VWDE: variants seen among roughly 807,000 people sequenced by gnomAD.
VWDE encodes the protein von Willebrand factor D and EGF domain-containing protein.
Under a neutral mutation model 178.4 loss-of-function variants are expected in VWDE, and 207 were observed. That is an observed-to-expected ratio of 1.16 (90% CI 1.04 to 1.30). The LOEUF (loss-of-function observed/expected upper bound fraction) is 1.30, where lower values mean the gene tolerates loss of function less well. Ranked by LOEUF, VWDE falls within the 50% of genes most tolerant of loss-of-function variation. The pLI is 0.00. For missense variants in VWDE, 2,287 were observed against 1,901.3 expected (o/e 1.20, Z -3.77); for synonymous variants, 738 against 651.4 (o/e 1.13, Z -2.02).
In VWDE at chr7:12,359,702, A is replaced by C. The variant is rs1782465948; in HGVS notation, c.3160-10T>G. On this transcript the variant is annotated splice_polypyrimidine_tract_variant and intron_variant, in intron 15 of 28. Transcript: ENST00000275358. The stretch of plus-strand genomic sequence containing the variant: ...TAATGCAAACATTTTCCTAATGGAA[A>C]ATTTTTAAAAAAGAAAACATCAAAG... 7.3e-6 allele frequency: 11 copies of C among 1,510,380 alleles called. No individual in the cohort carries two copies. Among genetic ancestry groups the C allele is most frequent in the Non-Finnish European group, 9.8e-6 (11 of 1,120,100 alleles). The allele number at this position is 1,510,380 out of a possible 1,614,324, so 93.6% of individuals were successfully genotyped here.
At chr7:12,371,301 C>T (rs1783185702) in intron 10 of VWDE, among the ~76,000 whole-genome samples, 1 of 152,110 alleles carries the variant, frequency 6.6e-6, no homozygotes, top group African/African-American at 2.4e-5. Context: ...AATTAGCATT[C>T]TCTAGTTGCC....
intron 10 of VWDE, among the ~76,000 whole-genome samples, chr7:12,372,203 C>T (rs1340171963): frequency 3.3e-5 from 5 of 151,864 alleles, no homozygotes; most frequent in South Asian, 4.1e-4. Flanking sequence ...TCATTTTAAT[C>T]GGAGTGCTGA....
At chr7:12,373,346 T>C in intron 9 of VWDE, 99 bp from the exon 10 acceptor site, 1 of 1,252,906 alleles carries the variant, frequency 8.0e-7, no homozygotes, top group Non-Finnish European at 1.1e-6. Flanking sequence ...GATCATTTTG[T>C]TGTATGCACT....
rs1048378073 is a variant in VWDE, at chr7:12,359,632, G to A, written c.3220C>T (p.Pro1074Ser). ...YVEGDKNPTS[P>S]CLICRPKISR... ...ATTTTGGGTCTACAAATCAAACAAG[G>A]GCTGGTTGGATTTTTGTCTCCTTCA... is the stretch of plus-strand genomic sequence containing the variant. The change falls in exon 16 of 29, where the codon CCT becomes TCT. Residue 1074 changes from proline (P) to serine (S), a missense_variant. Coordinates refer to ENST00000275358, the MANE Select transcript of VWDE (RefSeq NM_001135924.3). 1 of 1,550,088 alleles carries A rather than the reference G, an allele frequency of 6.5e-7. No individual in the cohort carries two copies. The highest frequency in any genetic ancestry group is 2.5e-5 in the East Asian group (1 of 40,762).
At chr7:12,333,090 A>C (rs1780819172) in intron 28 of VWDE, among the ~76,000 whole-genome samples, 1 of 152,140 alleles carries the variant, frequency 6.6e-6, no homozygotes. Context: ...ACAAAACACA[A>C]TGCAGTTTAA....
intron 13 of VWDE, among the ~76,000 whole-genome samples, chr7:12,364,038 G>C (rs1782723609): frequency 1.3e-5 from 2 of 151,926 alleles, no homozygotes; most frequent in Admixed American, 1.3e-4. Flanking sequence ...TTTAGATTGA[G>C]AAACCAGGTA....
chr7:12,333,408 A>G, intron 28 of VWDE, 57 bp downstream of exon 28: 2 of 1,049,346 alleles, frequency 1.9e-6, no homozygotes, highest in Non-Finnish European at 2.8e-6. Context: ...TACTAAGTAG[A>G]AGAGATATGC....
At chr7:12,363,178 C>G (rs750971870) in intron 13 of VWDE, among the ~76,000 whole-genome samples, 56 of 152,014 alleles carry the variant, frequency 3.7e-4, no homozygotes, top group Non-Finnish European at 3.5e-4. Flanking sequence ...GTCTAACTAA[C>G]TAGCACAGTC....
intron 19 of VWDE, 145 bp from the exon 20 acceptor site, chr7:12,344,614 A>C (rs550430548): frequency 1.1e-5 from 7 of 640,176 alleles, no homozygotes; most frequent in African/African-American, 5.6e-5. Context: ...GAACGTAAGA[A>C]TACTCCAACA....
chr7:12,345,046 A>G (rs921719770), intron 19 of VWDE, among the ~76,000 whole-genome samples: 4 of 152,166 alleles, frequency 2.6e-5, no homozygotes, highest in African/African-American at 7.2e-5. Flanking sequence ...TGGGAAAAAT[A>G]ATACCCAATT....
intron 6 of VWDE, among the ~76,000 whole-genome samples, chr7:12,378,630 G>A (rs1194651540): frequency 6.6e-6 from 1 of 152,152 alleles, no homozygotes; most frequent in Non-Finnish European, 1.5e-5. Context: ...CCCTGACACT[G>A]TCTGCTGAGT....
At chr7:12,373,868 T>C (rs1344570806) in intron 9 of VWDE, among the ~76,000 whole-genome samples, 1 of 152,156 alleles carries the variant, frequency 6.6e-6, no homozygotes, top group Non-Finnish European at 1.5e-5. Flanking sequence ...ATGTCTAAGC[T>C]TTTAGTTATA....
chr7:12,384,198 A>G (rs1783987413), intron 3 of VWDE, among the ~76,000 whole-genome samples: 1 of 152,178 alleles, frequency 6.6e-6, no homozygotes, highest in Admixed American at 6.6e-5. Flanking sequence ...TCAAGCCACA[A>G]AAAGACATGT....
At chr7:12,339,740 T>C (rs1023335773) in intron 24 of VWDE, among the ~76,000 whole-genome samples, 6 of 152,128 alleles carry the variant, frequency 3.9e-5, no homozygotes, top group Non-Finnish European at 5.9e-5. Flanking sequence ...ACATTACATA[T>C]TATTGGTTGA....
At chr7:12,356,782 A>G (rs556648404) in intron 17 of VWDE, among the ~76,000 whole-genome samples, 2 of 152,328 alleles carry the variant, frequency 1.3e-5, no homozygotes, top group South Asian at 4.1e-4. Flanking sequence ...TGAGCAAAGG[A>G]CATATAAAGG....
intron 9 of VWDE, among the ~76,000 whole-genome samples, chr7:12,373,788 G>A (rs113395736): frequency 2.0e-4 from 30 of 151,986 alleles, no homozygotes; most frequent in Middle Eastern, 3.4e-3. Flanking sequence ...TAGTTGTTGC[G>A]TAATTAATCT....
At position 12,372,983 on chromosome 7, in the gene VWDE, T is replaced by C. The variant is rs1783292117; in HGVS notation, c.1581A>G (p.Lys527=). Residue 527 remains lysine, a synonymous_variant, in exon 10 of 29, where the codon AAA becomes AAG. Transcript: ENST00000275358. The stretch of plus-strand genomic sequence containing the variant: ...GTTAAAGAATCATACATACTGTGAC[T>C]TTTCTTCCTAAGTAAGATTCACTTA... ...IKISESYLGR[K]VTIWFSSGAF... is the part of the protein sequence containing the mutation. 1 of 1,550,802 alleles carries C rather than the reference T, an allele frequency of 6.4e-7. No individual in the cohort carries two copies. The highest frequency in any genetic ancestry group is 2.0e-5 in the Admixed American group (1 of 50,928).
At chr7:12,362,127 G>A (rs1782615647) in intron 13 of VWDE, among the ~76,000 whole-genome samples, 1 of 151,872 alleles carries the variant, frequency 6.6e-6, no homozygotes, top group Non-Finnish European at 1.5e-5. Flanking sequence ...CTATGGAGTG[G>A]TTGGTGGCCA....
intron 28 of VWDE, 97 bp from the exon 29 acceptor site, chr7:12,331,294 G>A (rs1452140403): frequency 9.0e-6 from 9 of 1,004,920 alleles, no homozygotes; most frequent in East Asian, 8.2e-5. Flanking sequence ...GACATGATAC[G>A]TAAAGCTCTT....
Sources: gnomAD v4.1 joint callset for allele counts (sites outside exome capture counted in the v4.1 genomes callset) on GRCh38, gnomAD v4.1.1 for gene constraint, MANE v1.5 for transcripts, NCBI Gene and HGNC (gene_info 2026-07-23, HGNC 2026-07-21) for gene names.